Variants in FAM227A observed in about 807,000 individuals in gnomAD.
FAM227A encodes the protein family with sequence similarity 227 member A.
FAM227A carries 80 observed loss-of-function variants against 74.7 expected under a neutral mutation model. The ratio of observed to expected loss-of-function variants is 1.07; its 90% CI spans 0.89 to 1.29. The LOEUF (loss-of-function observed/expected upper bound fraction) is 1.29. Among genes scored for constraint, FAM227A ranks in the 50% most tolerant of loss-of-function variants. The pLI is 0.00. For synonymous variants in FAM227A, 237 were observed against 241.8 expected, an observed-to-expected ratio of 0.98 and a Z score of 0.19; for missense variants, 654 against 683.4, an observed-to-expected ratio of 0.96 and a Z score of 0.48.
chr22:38,651,985 G>A (rs2092329801), intron 1 of FAM227A, among the ~76,000 whole-genome samples: 1 of 151,690 alleles, frequency 6.6e-6, no homozygotes, highest in Admixed American at 6.6e-5. Flanking sequence ...TCAAGAGTTC[G>A]AGACCAGCCT....
chr22:38,642,189 C>CA (rs1194730320), intron 3 of FAM227A, among the ~76,000 whole-genome samples: 1 of 152,136 alleles, frequency 6.6e-6, no homozygotes, highest in Non-Finnish European at 1.5e-5. Context: ...GGTCACAGGG[C>CA]AAACTACTGC....
At chr22:38,588,891 G>A (rs1470148654) in intron 16 of FAM227A, among the ~76,000 whole-genome samples, 1 of 145,778 alleles carries the variant, frequency 6.9e-6, no homozygotes, top group Non-Finnish European at 1.5e-5. Flanking sequence ...TCGCGCCACT[G>A]CACTCCAGCC....
rs571766639 is a variant in FAM227A at position 38,625,249 on chromosome 22, C to T, written c.850+931G>A. ...CTAAAAATACAAAAAATTAGCTGGG[C>T]GTAGTGGTGGGCACCTATAGTCCCA... On this transcript the variant is annotated intron_variant, in intron 9 of 16. Transcript: ENST00000535113. Among the ~76,000 whole-genome samples the T allele has an allele frequency of 2.6e-4, 40 of 151,866 alleles. 1 individual carries two copies. Among genetic ancestry groups the T allele is most frequent in the African/African-American group, 8.4e-4 (35 of 41,432 alleles).
At chr22:38,602,556 A>T (rs1411142203) in intron 13 of FAM227A, among the ~76,000 whole-genome samples, 1 of 152,242 alleles carries the variant, frequency 6.6e-6, no homozygotes, top group Non-Finnish European at 1.5e-5. Context: ...CACGACTCTA[A>T]GTAAATTGAT....
chr22:38,615,393 G>A (rs1250260359), intron 11 of FAM227A, among the ~76,000 whole-genome samples: 1 of 152,204 alleles, frequency 6.6e-6, no homozygotes, highest in African/African-American at 2.4e-5. Flanking sequence ...GATAAGTACT[G>A]TACAGAGATT....
rs9607559 is a variant in FAM227A, at chr22:38,644,370, T to C, written c.225+1193A>G. ...CTGTTGGGACAGCGAAACTATGCTGTGTGACACTACAATGGTAGATACATG... is the reference window on the plus strand; with the variant it reads ...CTGTTGGGACAGCGAAACTATGCTGCGTGACACTACAATGGTAGATACATG... On this transcript the variant is annotated intron_variant, in intron 3 of 16. Coordinates refer to ENST00000535113, the MANE Select transcript of FAM227A (RefSeq NM_001013647.2). 6.7e-3 allele frequency among the ~76,000 whole-genome samples: 495 copies of C among 74,174 alleles called. 3 individuals are homozygous for C. The highest frequency in any genetic ancestry group is 0.019 in the African/African-American group (379 of 20,324). 48.7% of individuals were successfully genotyped at this position (74,174 alleles called of 152,430 possible).
At chr22:38,597,625 G>A (rs746091762) in intron 14 of FAM227A, among the ~76,000 whole-genome samples, 8 of 152,146 alleles carry the variant, frequency 5.3e-5, no homozygotes, top group Non-Finnish European at 1.2e-4. Flanking sequence ...CCTGTGGATG[G>A]AAGGCAGGGC....
chr22:38,647,520 A>C (rs941520257), intron 2 of FAM227A, among the ~76,000 whole-genome samples: 6 of 152,148 alleles, frequency 3.9e-5, no homozygotes, highest in African/African-American at 1.4e-4. Flanking sequence ...GATGTCACAG[A>C]GAGCTGTTTC....
intron 5 of FAM227A, among the ~76,000 whole-genome samples, chr22:38,637,087 T>C (rs1390659983): frequency 3.3e-5 from 5 of 152,194 alleles, no homozygotes; most frequent in African/African-American, 1.2e-4. Flanking sequence ...TTTGAGGAAA[T>C]GTACACGAAC....
At position 38,639,675 on chromosome 22, in the gene FAM227A, C is replaced by G; in HGVS notation, c.275G>C (p.Arg92Pro). ...TTTGCCTTTGTCTTCTGGACTGCTG[C>G]GAGTTTTCTCTCTTAAAGCCTTCTT... ...LEKKALREKT[R>P]SSPEDKVKRQ... Residue 92 changes from arginine to proline, a missense_variant, in exon 4 of 17, where the codon CGC (arginine) becomes CCC (proline). Coordinates refer to ENST00000535113, the MANE Select transcript of FAM227A (RefSeq NM_001013647.2). 2 of 1,551,896 alleles carry G rather than the reference C, an allele frequency of 1.3e-6. No homozygotes were observed. The highest frequency in any genetic ancestry group is 1.7e-6 in the Non-Finnish European group (2 of 1,147,022).
At chr22:38,621,011 T>C (rs994024485) in intron 10 of FAM227A, among the ~76,000 whole-genome samples, 2 of 151,516 alleles carry the variant, frequency 1.3e-5, no homozygotes, top group Admixed American at 1.3e-4. Flanking sequence ...CTCAAGCAAT[T>C]TATGGGTTAG....
At chr22:38,613,895 A>T (rs951055206) in intron 11 of FAM227A, among the ~76,000 whole-genome samples, 1 of 152,076 alleles carries the variant, frequency 6.6e-6, no homozygotes, top group Non-Finnish European at 1.5e-5. Flanking sequence ...TTTTTGAGAC[A>T]GGGTCTCGCT....
chr22:38,607,696 G>A (rs2091314998), intron 11 of FAM227A, among the ~76,000 whole-genome samples: 1 of 152,158 alleles, frequency 6.6e-6, no homozygotes, highest in African/African-American at 2.4e-5. Flanking sequence ...TGGGGACCCA[G>A]GGCAACCAGG....
rs964910592 is a variant in FAM227A at position 38,600,147 on chromosome 22, G to A, written c.1222-226C>T. Among the ~76,000 whole-genome samples the A allele has an allele frequency of 4.6e-5, 7 of 151,892 alleles. No individual in the cohort carries two copies. The South Asian group carries it at 1.2e-3, about 27-fold the overall frequency. On this transcript the variant is annotated intron_variant, in intron 13 of 16. Coordinates refer to ENST00000535113, the MANE Select transcript of FAM227A (RefSeq NM_001013647.2). ...AGCAAAATATGAGAATAACTTAAAT[G>A]TTCAAGAAGACATTGATCTCTTTAC...
chr22:38,578,361 G>A lies in FAM227A; in HGVS notation c.*7764C>T, dbSNP rs890099967. On this transcript the variant is annotated 3_prime_UTR_variant, in exon 17 of 17. Transcript: ENST00000535113. ...CTGCTGACTGAAACATCGTTACGTG[G>A]TGCATGACTGTGTGTATGTATACAC... 1 of 152,120 alleles carries A rather than the reference G, an allele frequency of 6.6e-6. No homozygotes were observed. The highest frequency in any genetic ancestry group is 1.5e-5 in the Non-Finnish European group (1 of 68,022). 9.4% of individuals were successfully genotyped at this position (152,120 alleles called of 1,614,324 possible). A position where few individuals can be genotyped will look rare whatever the true frequency, so the allele number is the denominator to read the frequency against.
rs978154565 is a variant in FAM227A, at chr22:38,583,101, C to T, written c.*3024G>A. The T allele has an allele frequency of 1.6e-5, 12 of 766,062 alleles. No individual in the cohort carries two copies. The Admixed American group carries it at 2.5e-4, about 16-fold the overall frequency. 47.5% of individuals were successfully genotyped at this position (766,062 alleles called of 1,614,324 possible). A position where few individuals can be genotyped will look rare whatever the true frequency, so the allele number is the denominator to read the frequency against. On this transcript the variant is annotated 3_prime_UTR_variant, in exon 17 of 17. Transcript: ENST00000535113. ...AGTAAAGGGAAGGTGAGAGAGTGTT[C>T]TGCTTATCTGCCCCACATGGTGCCT...
chr22:38,614,131 A>G (rs1436286674), intron 11 of FAM227A, among the ~76,000 whole-genome samples: 1 of 152,122 alleles, frequency 6.6e-6, no homozygotes, highest in Admixed American at 6.6e-5. Context: ...TCTCTCAACT[A>G]TATACTACTT....
chr22:38,597,234 T>A lies in FAM227A; in HGVS notation c.1502A>T (p.His501Leu). 1 of 1,552,336 alleles carries A rather than the reference T, an allele frequency of 6.4e-7. No homozygotes were observed. ...HWTEWNYFDK[H>L]LKELQDNFSR... is the part of the protein sequence containing the mutation. Reference sequence around the variant, plus strand: ...GAAGTTGTCTTGCAGCTCCTTTAGATGCTTGTCAAAATAATTCCATTCAGT... The same window carrying A: ...GAAGTTGTCTTGCAGCTCCTTTAGAAGCTTGTCAAAATAATTCCATTCAGT... Residue 501 changes from histidine (H) to leucine (L), a missense_variant, in exon 15 of 17, where the codon CAT becomes CTT. By Grantham distance (99) the His-to-Leu change is moderately conservative. Transcript: ENST00000535113.
intron 11 of FAM227A, among the ~76,000 whole-genome samples, chr22:38,616,415 C>A (rs2091576862): frequency 6.6e-6 from 1 of 152,146 alleles, no homozygotes; most frequent in South Asian, 2.1e-4. Context: ...GTAATCCCAG[C>A]ACTTTGGGAG....
Sources: allele counts gnomAD v4.1 joint callset (sites outside exome capture counted in the v4.1 genomes callset), GRCh38; gene constraint gnomAD v4.1.1; transcripts MANE v1.5; gene names NCBI Gene and HGNC (gene_info 2026-07-23, HGNC 2026-07-21).